GBA2: variants seen among roughly 807,000 people sequenced by gnomAD.
GBA2 encodes glucosylceramidase beta 2.
In GBA2, 79 loss-of-function variants were observed where a neutral mutation model predicts 112.9. The ratio of observed to expected loss-of-function variants is 0.70; its 90% CI spans 0.58 to 0.84. The LOEUF (loss-of-function observed/expected upper bound fraction) is 0.84. GBA2 is among the 40% of genes least tolerant of loss of function. The probability of loss-of-function intolerance (pLI) is 0.00; values close to 1 mark genes in which losing one functional copy is unlikely to be tolerated. For synonymous variants in GBA2, 403 were observed against 434.3 expected (o/e 0.93, Z 0.90); for missense variants, 1,043 against 1,190.0 (o/e 0.88, Z 1.82).
rs1342611266 is a variant in GBA2 at position 35,738,782 on chromosome 9, G to A, written c.1917C>T (p.Asn639=). The A allele has an allele frequency of 6.2e-7, 1 of 1,614,104 alleles. No individual in the cohort carries two copies. Among genetic ancestry groups the A allele is most frequent in the African/African-American group, 1.3e-5 (1 of 74,954 alleles). The stretch of plus-strand genomic sequence containing the variant: ...ACACAGGCCACATGTCCTTCAGGAA[G>A]TTTTGATCACCCGTGAGGTAATAGT... The part of the protein sequence containing the change: ...YRDYYLTGDQ[N]FLKDMWPVCL... Residue 639 remains asparagine, a synonymous_variant, in exon 12 of 17, where the codon AAC becomes AAT. Transcript: ENST00000378103.
chr9:35,741,848 G>C lies in GBA2; in HGVS notation c.610C>G (p.Gln204Glu). The C allele has an allele frequency of 6.2e-7, 1 of 1,613,966 alleles. No individual in the cohort carries two copies. The highest frequency in any genetic ancestry group is 8.5e-7 in the Non-Finnish European group (1 of 1,179,860). The stretch of plus-strand genomic sequence containing the variant: ...CTTGGGCGCTCCAGGGACAGGACTT[G>C]CTGGTACACAGTCTGCCCTTCCCGA... ...LRREGQTVYQ[Q>E]VLSLERPSVL... The change falls in exon 4 of 17, where the codon CAA (glutamine) becomes GAA (glutamate). Residue 204 changes from glutamine to glutamate, a missense_variant. Gln to Glu is a conservative substitution (Grantham distance 29). Coordinates refer to ENST00000378103, the MANE Select transcript of GBA2 (RefSeq NM_020944.3). This position sits in a 1 kb window ranked among gnomAD's most constrained non-coding sequence, Gnocchi z 4.6.
At chr9:35,745,581 T>C (rs1383288556) in intron 1 of GBA2, among the ~76,000 whole-genome samples, 2 of 151,442 alleles carry the variant, frequency 1.3e-5, no homozygotes, top group African/African-American at 4.9e-5. Flanking sequence ...ACATTTAAAC[T>C]GTGAAGCTTT....
intron 1 of GBA2, among the ~76,000 whole-genome samples, chr9:35,745,289 A>AT (rs1445105034): frequency 4.6e-5 from 7 of 151,794 alleles, no homozygotes; most frequent in Non-Finnish European, 7.4e-5. Flanking sequence ...TGCCTGGCAC[A>AT]TTTTTTTGTG....
Position 35,737,511 on chromosome 9 carries a change from G to C in GBA2, c.2506-64C>G. On this transcript the variant is annotated intron_variant, in intron 16 of 16. Transcript: ENST00000378103. This position sits in a 1 kb window ranked among gnomAD's most constrained non-coding sequence, Gnocchi z 4.1. ...ACCCTCTGAAGAGCCACTTCCACTG[G>C]ATAGATGGAGGCAGTAGAGTCTTTG... 2 of 1,579,156 alleles carry C rather than the reference G, an allele frequency of 1.3e-6. No individual in the cohort carries two copies. The highest frequency in any genetic ancestry group is 1.7e-6 in the Non-Finnish European group (2 of 1,161,680).
chr9:35,740,839 C>G lies in GBA2; in HGVS notation c.1012G>C (p.Ala338Pro). ...TCTTTCCTTACCGTGACTCGTGCAG[C>G]CACAGCCATCGTGTAGGGGTTTGGA... ...TLPNPYTMAV[A>P]ARVTAATTVT... Residue 338 changes from alanine (A) to proline (P), a missense_variant, in exon 5 of 17, where the codon GCT becomes CCT. Transcript: ENST00000378103. This position sits in a 1 kb window ranked among gnomAD's most constrained non-coding sequence, Gnocchi z 4.7. The G allele has an allele frequency of 1.9e-6, 3 of 1,614,102 alleles. No individual in the cohort carries two copies. Among genetic ancestry groups the G allele is most frequent in the Non-Finnish European group, 2.5e-6 (3 of 1,179,982 alleles).
At position 35,737,886 on chromosome 9, in the gene GBA2, G is replaced by A. The variant is rs143345363; in HGVS notation, c.2367C>T (p.Asn789=). Residue 789 remains asparagine (N), a synonymous_variant, in exon 16 of 17, where the codon AAC becomes AAT. Coordinates refer to ENST00000378103, the MANE Select transcript of GBA2 (RefSeq NM_020944.3). The surrounding 1 kb of genome is among the most constrained non-coding windows in gnomAD (Gnocchi z 4.1). ...VRALQTIFEL[N]VQAFAGGAMG... The stretch of plus-strand genomic sequence containing the variant: ...TGGCCCCTCCTGCAAAGGCCTGGAC[G>A]TTCAGCTCAAAGATAGTTTGGAGAG... The A allele has an allele frequency of 2.2e-4, 356 of 1,613,550 alleles. 2 individuals carry two copies. Among genetic ancestry groups the A allele is most frequent in the Non-Finnish European group, 2.6e-4 (311 of 1,179,964 alleles).
rs35818148 is a variant in GBA2, at chr9:35,739,715, C to T, written c.1495G>A (p.Glu499Lys). The T allele has an allele frequency of 9.6e-5, 155 of 1,613,808 alleles. No homozygotes were observed. Among genetic ancestry groups the T allele is most frequent in the Non-Finnish European group, 1.1e-4 (135 of 1,179,828 alleles). ...DGGTVWLEVL[E>K]DSLPEELGRN... ...CCCAGCTCCTCTGGTAGGGAGTCCTCAAGAACTTCCAGCCACACTGTGCCT... is the reference window on the plus strand; with the variant it reads ...CCCAGCTCCTCTGGTAGGGAGTCCTTAAGAACTTCCAGCCACACTGTGCCT... Residue 499 changes from glutamate (E) to lysine (K), a missense_variant, in exon 9 of 17, where the codon GAG (glutamate) becomes AAG (lysine). By Grantham distance (56) the Glu-to-Lys change is moderately conservative. Transcript: ENST00000378103.
At position 35,744,679 on chromosome 9, in the gene GBA2, G is replaced by A. The variant is rs777691915; in HGVS notation, c.387C>T (p.Thr129=). 6 of 1,607,684 alleles carry A rather than the reference G, an allele frequency of 3.7e-6. No homozygotes were observed. The highest frequency in any genetic ancestry group is 4.3e-6 in the Non-Finnish European group (5 of 1,174,114). ...LRYLQWWYRK[T]HVEKKTPFID... ...TGAAAGGTGTCTTCTTTTCCACATGGGTCTTCCGGTACCACCACTGCAGGT... is the reference window on the plus strand; with the variant it reads ...TGAAAGGTGTCTTCTTTTCCACATGAGTCTTCCGGTACCACCACTGCAGGT... Residue 129 remains threonine (T), a synonymous_variant, in exon 2 of 17, where the codon ACC becomes ACT. Coordinates refer to ENST00000378103, the MANE Select transcript of GBA2 (RefSeq NM_020944.3).
At position 35,738,520 on chromosome 9, in the gene GBA2, G is replaced by A. The variant is rs148315388; in HGVS notation, c.2054+6C>T. ...TCAGGCCTCCTGGAAACCCCTACCCGCTAACCTGGGGCCTGTGGTCACCCA... is the reference window on the plus strand; with the variant it reads ...TCAGGCCTCCTGGAAACCCCTACCCACTAACCTGGGGCCTGTGGTCACCCA... On this transcript the variant is annotated splice_donor_region_variant and intron_variant, in intron 13 of 16. Transcript: ENST00000378103. The A allele has an allele frequency of 1.0e-4, 163 of 1,606,868 alleles. 2 individuals carry two copies. The South Asian group carries it at 1.1e-3, about 10-fold the overall frequency.
rs1428872551 is a variant in GBA2, at chr9:35,737,783, C to T, written c.2470G>A (p.Val824Met). ...ATGGTAGCTGCCAGCCCGTAGACCA[C>T]ACCCACCCAGACTTCATCAGACTGC... Reference protein sequence around the residue: ...SVQSDEVWVGVVYGLAATMIQ... With the variant: ...SVQSDEVWVGMVYGLAATMIQ... The change falls in exon 16 of 17, where the codon GTG becomes ATG. Residue 824 changes from valine (V) to methionine (M), a missense_variant. Coordinates refer to ENST00000378103, the MANE Select transcript of GBA2 (RefSeq NM_020944.3). This position sits in a 1 kb window ranked among gnomAD's most constrained non-coding sequence, Gnocchi z 4.1. 5.6e-6 allele frequency: 9 copies of T among 1,614,022 alleles called. No individual in the cohort carries two copies. The South Asian group carries it at 6.6e-5, about 12-fold the overall frequency.
In GBA2 at chr9:35,744,296, C is replaced by T; in HGVS notation, c.567+1G>A. 6.3e-7 allele frequency: 1 copy of T among 1,578,322 alleles called. No individual in the cohort carries two copies. Among genetic ancestry groups the T allele is most frequent in the Non-Finnish European group, 8.7e-7 (1 of 1,147,302 alleles). On this transcript the variant is annotated splice_donor_variant, in intron 3 of 16. Coordinates refer to ENST00000378103, the MANE Select transcript of GBA2 (RefSeq NM_020944.3). LOFTEE classifies it high-confidence loss of function. ...TGGCCTCTCCACCTCCTGGCTCTTACTTGGTCAGCGATGACTGTCCGGTGC... is the reference window on the plus strand; with the variant it reads ...TGGCCTCTCCACCTCCTGGCTCTTATTTGGTCAGCGATGACTGTCCGGTGC...
In GBA2 at chr9:35,741,472, T is replaced by G. The variant is rs1365674334; in HGVS notation, c.786+200A>C. 6.6e-5 allele frequency: 38 copies of G among 571,596 alleles called. No individual in the cohort carries two copies. Among genetic ancestry groups the G allele is most frequent in the South Asian group, 2.0e-5 (1 of 48,994 alleles). The allele number at this position is 571,596 out of a possible 1,614,324, so 35.4% of individuals were successfully genotyped here. A position where few individuals can be genotyped will look rare whatever the true frequency, so the allele number is the denominator to read the frequency against. ...ACAACGCCCAGCTAATTTTTTTTTTTGTATTTTTAGTAGATATGGGGTTTC... is the reference window on the plus strand; with the variant it reads ...ACAACGCCCAGCTAATTTTTTTTTTGGTATTTTTAGTAGATATGGGGTTTC... On this transcript the variant is annotated intron_variant, in intron 4 of 16. Coordinates refer to ENST00000378103, the MANE Select transcript of GBA2 (RefSeq NM_020944.3). This position sits in a 1 kb window ranked among gnomAD's most constrained non-coding sequence, Gnocchi z 4.6.
Position 35,746,265 on chromosome 9 carries a change from T to C in GBA2, c.360-1559A>G, listed in dbSNP as rs192557755. Among the ~76,000 whole-genome samples, 1 of 152,270 alleles carries C rather than the reference T, an allele frequency of 6.6e-6. No individual in the cohort carries two copies. The highest frequency in any genetic ancestry group is 2.4e-5 in the African/African-American group (1 of 41,536). ...ATGGGGCACAAGAGAGATAACAGAC[T>C]GGAGCAGAGGAGAAGAAATGTGATT... On this transcript the variant is annotated intron_variant, in intron 1 of 16. Transcript: ENST00000378103. This position sits in a 1 kb window ranked among gnomAD's most constrained non-coding sequence, Gnocchi z 5.2.
chr9:35,744,587 A>G (rs1303410788), intron 2 of GBA2, 28 bp downstream of exon 2: 17 of 1,375,398 alleles, frequency 1.2e-5, no homozygotes, highest in Non-Finnish European at 1.7e-5. Context: ...GCCTTCTCTG[A>G]GCAGAGCAGA....
At chr9:35,743,838 T>C (rs1826832610) in intron 3 of GBA2, among the ~76,000 whole-genome samples, 1 of 152,158 alleles carries the variant, frequency 6.6e-6, no homozygotes. Context: ...AGGGGAGTGA[T>C]CAGCAGAGGA....
chr9:35,740,668 G>T lies in GBA2; in HGVS notation c.1027-40C>A. 1 of 1,544,858 alleles carries T rather than the reference G, an allele frequency of 6.5e-7. No individual in the cohort carries two copies. The highest frequency in any genetic ancestry group is 8.9e-7 in the Non-Finnish European group (1 of 1,117,708). ...GGGACTGTGAGGGCAGGCTCCACGAGTACACTGGGTCCCGGCTAGCTCCCC... is the reference window on the plus strand; with the variant it reads ...GGGACTGTGAGGGCAGGCTCCACGATTACACTGGGTCCCGGCTAGCTCCCC... On this transcript the variant is annotated intron_variant, in intron 5 of 16. Transcript: ENST00000378103. This position sits in a 1 kb window ranked among gnomAD's most constrained non-coding sequence, Gnocchi z 4.7.
intron 1 of GBA2, among the ~76,000 whole-genome samples, chr9:35,747,208 T>C (rs1394229907): frequency 1.3e-5 from 2 of 152,206 alleles, no homozygotes; most frequent in Non-Finnish European, 2.9e-5. Flanking sequence ...CAGGCCTCTA[T>C]GACTCAGTTC....
chr9:35,744,481 T>C, intron 2 of GBA2, 69 bp from the exon 3 acceptor site: 1 of 1,101,294 alleles, frequency 9.1e-7, no homozygotes, highest in Non-Finnish European at 1.4e-6. Context: ...CTTTCTAGAC[T>C]ATAAAGCCTG....
In GBA2 at chr9:35,740,012, C is replaced by G. The variant is rs149501146; in HGVS notation, c.1395G>C (p.Pro465=). The change falls in exon 8 of 17, where the codon CCG becomes CCC. Residue 465 remains proline, a synonymous_variant. Coordinates refer to ENST00000378103, the MANE Select transcript of GBA2 (RefSeq NM_020944.3). The surrounding 1 kb of genome is among the most constrained non-coding windows in gnomAD (Gnocchi z 4.7). Reference sequence around the variant, plus strand: ...CCCACTGGCACCTGTCATCCAATACCGGGCTCTGCCAAGCTGAGATCCTCT... The same window carrying G: ...CCCACTGGCACCTGTCATCCAATACGGGGCTCTGCCAAGCTGAGATCCTCT... ...WEERISAWQS[P]VLDDRSLPAW... is the part of the protein sequence containing the mutation. 1.2e-6 allele frequency: 2 copies of G among 1,614,070 alleles called. No homozygotes were observed. The highest frequency in any genetic ancestry group is 1.1e-5 in the South Asian group (1 of 91,062).
Sources: gnomAD v4.1 joint callset for allele counts (sites outside exome capture counted in the v4.1 genomes callset) on GRCh38, gnomAD v4.1.1 for gene constraint, Gnocchi (gnomAD v3.1) non-coding constraint, MANE v1.5 for transcripts, NCBI Gene and HGNC (gene_info 2026-07-23, HGNC 2026-07-21) for gene names.